The following XRN1 variants were observed in gnomAD, a reference collection of about 807,000 sequenced individuals.
XRN1 encodes strand-exchange protein 1 homolog.
XRN1 carries 67 observed loss-of-function variants against 222.3 expected under a neutral mutation model. The ratio of observed to expected loss-of-function variants is 0.30; its 90% confidence interval spans 0.25 to 0.37. The LOEUF (loss-of-function observed/expected upper bound fraction) is 0.37. Ranked by LOEUF, XRN1 falls within the 10% of genes least tolerant of loss-of-function variation. The pLI is 1.00. For missense variants in XRN1, 1,707 were observed against 2,000.2 expected (o/e 0.85, Z 2.80); for synonymous variants, 643 against 652.4 (o/e 0.99, Z 0.22).
Position 142,418,901 on chromosome 3 carries a change from A to C in XRN1, c.1174-20T>G. 1 of 1,606,832 alleles carries C rather than the reference A, an allele frequency of 6.2e-7. No individual in the cohort carries two copies. The highest frequency in any genetic ancestry group is 8.5e-7 in the Non-Finnish European group (1 of 1,173,434). ...CTGGCCCTGTAAATTGTAAATCAAC[A>C]TAAAATGAATGGCAAGATACATTTC... On this transcript the variant is annotated intron_variant, in intron 10 of 40. Coordinates refer to ENST00000392981, the MANE Select transcript of XRN1 (RefSeq NM_001282857.2).
At position 142,415,010 on chromosome 3, in the gene XRN1, T is replaced by C. The variant is rs150536708; in HGVS notation, c.1437-719A>G. On this transcript the variant is annotated intron_variant, in intron 13 of 40. Transcript: ENST00000392981. ...CATTTAAGCAAGAGACTAAAAACAG[T>C]TGAACGTTCTGGTAAAAGCTCACAA... is the stretch of plus-strand genomic sequence containing the variant. 5.3e-5 allele frequency among the ~76,000 whole-genome samples: 8 copies of C among 152,270 alleles called. No homozygotes were observed. The South Asian group carries it at 1.0e-3, about 20-fold the overall frequency.
intron 19 of XRN1, among the ~76,000 whole-genome samples, chr3:142,397,850 T>A (rs905469209): frequency 1.3e-4 from 20 of 152,160 alleles, no homozygotes; most frequent in Non-Finnish European, 2.9e-4. Flanking sequence ...AAAGAAATGA[T>A]AAGTGTTTGA....
At chr3:142,344,739 A>C (rs1407927392) in intron 33 of XRN1, among the ~76,000 whole-genome samples, 1 of 152,182 alleles carries the variant, frequency 6.6e-6, no homozygotes, top group Non-Finnish European at 1.5e-5. Flanking sequence ...GACATCATGG[A>C]AAGAAATTAA....
intron 20 of XRN1, among the ~76,000 whole-genome samples, chr3:142,385,656 G>A (rs2067472848): frequency 6.6e-6 from 1 of 152,076 alleles, no homozygotes. Context: ...TACAGAAGAA[G>A]TTTGCTGACC....
intron 20 of XRN1, among the ~76,000 whole-genome samples, chr3:142,386,002 C>T (rs949771496): frequency 1.4e-3 from 214 of 151,206 alleles, no homozygotes; most frequent in African/African-American, 2.5e-3. Context: ...TTATATAACA[C>T]GTTATATATT....
intron 13 of XRN1, among the ~76,000 whole-genome samples, chr3:142,416,053 C>G (rs1330099529): frequency 6.6e-6 from 1 of 151,976 alleles, no homozygotes; most frequent in Non-Finnish European, 1.5e-5. Context: ...CCACTGCACC[C>G]TAGCCTTGCT....
intron 29 of XRN1, among the ~76,000 whole-genome samples, chr3:142,360,191 T>C (rs2066576514): frequency 6.6e-6 from 1 of 152,208 alleles, no homozygotes. Context: ...TTATGATTCC[T>C]TATGTTTCTT....
At chr3:142,333,772 T>A (rs1460390664) in intron 34 of XRN1, among the ~76,000 whole-genome samples, 1 of 152,090 alleles carries the variant, frequency 6.6e-6, no homozygotes, top group Non-Finnish European at 1.5e-5. Flanking sequence ...TTTCTCTCCA[T>A]CATGTTAGAA....
At chr3:142,342,017 T>C (rs1020216500) in intron 33 of XRN1, among the ~76,000 whole-genome samples, 11 of 152,166 alleles carry the variant, frequency 7.2e-5, no homozygotes, top group Non-Finnish European at 1.5e-4. Context: ...TTCAGCATTG[T>C]ACTGACTTTC....
chr3:142,402,445 A>C (rs1365383269), intron 18 of XRN1, among the ~76,000 whole-genome samples: 1 of 152,138 alleles, frequency 6.6e-6, no homozygotes, highest in Non-Finnish European at 1.5e-5. Flanking sequence ...AGCCTCCAAA[A>C]GTGCTGGGAT....
At chr3:142,387,461 T>C (rs1039387357) in intron 20 of XRN1, among the ~76,000 whole-genome samples, 2 of 152,190 alleles carry the variant, frequency 1.3e-5, no homozygotes, top group African/African-American at 4.8e-5. Flanking sequence ...TTATGATTAA[T>C]ACACCTATAA....
At chr3:142,439,697 T>C (rs2070107206) in intron 1 of XRN1, among the ~76,000 whole-genome samples, 1 of 151,938 alleles carries the variant, frequency 6.6e-6, no homozygotes, top group South Asian at 2.1e-4. Flanking sequence ...TTGGCAACCT[T>C]GTTTTTTTAT....
intron 1 of XRN1, among the ~76,000 whole-genome samples, chr3:142,441,213 A>G (rs923079714): frequency 5.9e-5 from 9 of 152,308 alleles, no homozygotes; most frequent in African/African-American, 2.2e-4. Flanking sequence ...CCCTAAAGCA[A>G]CTAAGAGGGT....
At chr3:142,331,194 C>T (rs1256834074) in intron 36 of XRN1, among the ~76,000 whole-genome samples, 2 of 152,136 alleles carry the variant, frequency 1.3e-5, no homozygotes, top group Admixed American at 1.3e-4. Flanking sequence ...GAAACTTCTG[C>T]CCACATCCAC....
At chr3:142,364,738 A>C (rs181191620) in intron 29 of XRN1, among the ~76,000 whole-genome samples, 3 of 152,334 alleles carry the variant, frequency 2.0e-5, no homozygotes, top group Admixed American at 2.0e-4. Flanking sequence ...GAAAATTATC[A>C]GTTTCATGAA....
At chr3:142,431,229 G>A (rs927511681) in intron 2 of XRN1, among the ~76,000 whole-genome samples, 3 of 152,190 alleles carry the variant, frequency 2.0e-5, no homozygotes, top group Non-Finnish European at 2.9e-5. Context: ...ACTTGTGACA[G>A]AAAACAAAAG....
intron 33 of XRN1, among the ~76,000 whole-genome samples, chr3:142,345,169 C>G (rs2066109232): frequency 6.6e-6 from 1 of 152,144 alleles, no homozygotes; most frequent in Admixed American, 6.6e-5. Context: ...CTCCTGGGTT[C>G]AAGCAATCCT....
At chr3:142,433,485 C>A (rs887167244) in intron 1 of XRN1, among the ~76,000 whole-genome samples, 3 of 152,108 alleles carry the variant, frequency 2.0e-5, no homozygotes, top group Non-Finnish European at 4.4e-5. Context: ...TTTGTAAGCT[C>A]CGAATAACAA....
chr3:142,448,035 G>T lies in XRN1; in HGVS notation c.-91C>A. 2.2e-6 allele frequency: 3 copies of T among 1,388,720 alleles called. No homozygotes were observed. Among genetic ancestry groups the T allele is most frequent in the Admixed American group, 1.8e-5 (1 of 57,000 alleles). 86.0% of individuals were successfully genotyped at this position (1,388,720 alleles called of 1,614,324 possible). A position where few individuals can be genotyped will look rare whatever the true frequency, so the allele number is the denominator to read the frequency against. ...CGCAGCCTCCGGTCGTCGCTCCGCG[G>T]ATGACAACACACCGCCCGGCCGACC... is the stretch of plus-strand genomic sequence containing the variant. On this transcript the variant is annotated 5_prime_UTR_variant, in exon 1 of 41. Transcript: ENST00000392981.
Sources: gnomAD v4.1 joint callset for allele counts (sites outside exome capture counted in the v4.1 genomes callset) on GRCh38, gnomAD v4.1.1 for gene constraint, MANE v1.5 for transcripts, NCBI Gene and HGNC (gene_info 2026-07-23, HGNC 2026-07-21) for gene names.